Variants in NUDCD3 observed in about 807,000 individuals in gnomAD.
NUDCD3 encodes the protein nudC domain-containing protein 3.
NUDCD3 carries 13 observed loss-of-function variants against 39.7 expected under a neutral mutation model. The observed-to-expected ratio is 0.33, with a 90% CI of 0.21 to 0.52. The LOEUF is 0.52. NUDCD3 is among the 20% of genes least tolerant of loss of function. The probability of loss-of-function intolerance (pLI) is 0.96; values close to 1 mark genes in which losing one functional copy is unlikely to be tolerated. For missense variants in NUDCD3, 453 were observed against 458.1 expected (o/e 0.99, Z 0.10); for synonymous variants, 175 against 172.4 (o/e 1.02, Z -0.12).
At chr7:44,462,945 CTGTGTGTGTGTGTGTGTGTGTGTG>C (rs3138779) in intron 2 of NUDCD3, among the ~76,000 whole-genome samples, 2 of 146,792 alleles carry the variant, frequency 1.4e-5, no homozygotes, top group South Asian at 2.2e-4. Context: ...CACAACCAGG[CTGTGTGTGTGTGTGTGTGTGTGTG>C]TGTGTGTGTG....
rs949788283 is a variant in NUDCD3 at position 44,486,178 on chromosome 7, A to G, written c.193-894T>C. 5.3e-5 allele frequency among the ~76,000 whole-genome samples: 8 copies of G among 152,242 alleles called. No homozygotes were observed. The South Asian group carries it at 1.2e-3, about 24-fold the overall frequency. On this transcript the variant is annotated intron_variant, in intron 1 of 5. Transcript: ENST00000355451. Reference sequence around the variant, plus strand: ...TCAAGGAAGGGCAAAAGCTCTTGCAATAACTGGAGGAAGGAAAGGCTGAGA... The same window carrying G: ...TCAAGGAAGGGCAAAAGCTCTTGCAGTAACTGGAGGAAGGAAAGGCTGAGA...
chr7:44,475,112 C>CT (rs369792184), intron 2 of NUDCD3, among the ~76,000 whole-genome samples: 9,526 of 139,606 alleles, frequency 0.068, 407 homozygotes, highest in South Asian at 0.11. Context: ...AAATTCATTT[C>CT]TTTTTTTTTT....
At chr7:44,415,104 C>T (rs1377071642) in intron 3 of NUDCD3, among the ~76,000 whole-genome samples, 1 of 152,160 alleles carries the variant, frequency 6.6e-6, no homozygotes, top group Admixed American at 6.5e-5. Flanking sequence ...GTGGAGGTGA[C>T]GGGACCTTGG....
chr7:44,400,009 C>T (rs1014593328), intron 4 of NUDCD3, among the ~76,000 whole-genome samples: 3 of 152,274 alleles, frequency 2.0e-5, no homozygotes, highest in South Asian at 2.1e-4. Flanking sequence ...ACAGCTACAA[C>T]GACCATCTCA....
intron 2 of NUDCD3, among the ~76,000 whole-genome samples, chr7:44,435,760 G>A (rs1799452458): frequency 6.6e-6 from 1 of 152,158 alleles, no homozygotes; most frequent in South Asian, 2.1e-4. Flanking sequence ...GTGACAGAAG[G>A]ATCCAGAACA....
At chr7:44,470,774 T>C (rs966005637) in intron 2 of NUDCD3, among the ~76,000 whole-genome samples, 5 of 152,246 alleles carry the variant, frequency 3.3e-5, no homozygotes, top group Admixed American at 6.5e-5. Flanking sequence ...AGGACTCTAC[T>C]AGCAAGTTTA....
At chr7:44,448,827 A>G (rs529694484) in intron 2 of NUDCD3, among the ~76,000 whole-genome samples, 1 of 152,314 alleles carries the variant, frequency 6.6e-6, no homozygotes, top group African/African-American at 2.4e-5. Flanking sequence ...CTTCCTAAGG[A>G]TGTGCTCATT....
At chr7:44,451,470 A>G (rs1799792834) in intron 2 of NUDCD3, among the ~76,000 whole-genome samples, 1 of 152,238 alleles carries the variant, frequency 6.6e-6, no homozygotes, top group African/African-American at 2.4e-5. Context: ...ACGCTTGAAA[A>G]TGGTTACGAT....
At chr7:44,428,913 G>C (rs1799294159) in intron 2 of NUDCD3, among the ~76,000 whole-genome samples, 1 of 152,204 alleles carries the variant, frequency 6.6e-6, no homozygotes, top group Admixed American at 6.5e-5. Flanking sequence ...GAGATTAGCA[G>C]ACAAAACCTG....
chr7:44,467,927 A>C (rs1800154867), intron 2 of NUDCD3: 1 of 1,608,092 alleles, frequency 6.2e-7, no homozygotes. Flanking sequence ...TGTGAAGCCC[A>C]AGATCGTCAA....
chr7:44,392,604 A>G (rs1798542368), intron 4 of NUDCD3, 119 bp from the exon 5 acceptor site: 1 of 825,826 alleles, frequency 1.2e-6, no homozygotes, highest in African/African-American at 1.7e-5. Context: ...CCAACTACAC[A>G]AAGGGAGGTG....
chr7:44,440,844 T>C (rs1799568215), intron 2 of NUDCD3, among the ~76,000 whole-genome samples: 1 of 152,212 alleles, frequency 6.6e-6, no homozygotes, highest in Admixed American at 6.5e-5. Flanking sequence ...CCTAGTCTTC[T>C]TGCATGTGAG....
chr7:44,462,944 G>A (rs1433546759), intron 2 of NUDCD3, among the ~76,000 whole-genome samples: 1 of 111,502 alleles, frequency 9.0e-6, no homozygotes, highest in Non-Finnish European at 1.8e-5. Context: ...ACACAACCAG[G>A]CTGTGTGTGT....
chr7:44,405,018 C>A (rs927455058), intron 3 of NUDCD3, among the ~76,000 whole-genome samples: 1 of 152,168 alleles, frequency 6.6e-6, no homozygotes, highest in African/African-American at 2.4e-5. Flanking sequence ...GGCTGCACAC[C>A]CTGAATTGCT....
At chr7:44,400,159 C>T (rs1161019344) in intron 4 of NUDCD3, among the ~76,000 whole-genome samples, 1 of 152,148 alleles carries the variant, frequency 6.6e-6, no homozygotes, top group Non-Finnish European at 1.5e-5. Context: ...ACTGAACGAG[C>T]TATCGGAAAA....
chr7:44,457,059 CAAT>C (rs993392177), intron 2 of NUDCD3, among the ~76,000 whole-genome samples: 38 of 152,100 alleles, frequency 2.5e-4, no homozygotes, highest in African/African-American at 8.7e-4. Context: ...TCACATGTCC[CAAT>C]AATCTCTCAA....
intron 2 of NUDCD3, chr7:44,468,138 A>T: frequency 6.2e-7 from 1 of 1,606,930 alleles, no homozygotes; most frequent in Non-Finnish European, 8.5e-7. Flanking sequence ...CTGGTCCACA[A>T]CATCAAGGAG....
At position 44,384,653 on chromosome 7, in the gene NUDCD3, C is replaced by T. The variant is rs1798369707; in HGVS notation, c.*1358G>A. 6.6e-6 allele frequency: 1 copy of T among 152,308 alleles called. No homozygotes were observed. Among genetic ancestry groups the T allele is most frequent in the African/African-American group, 2.4e-5 (1 of 41,452 alleles). 9.4% of individuals were successfully genotyped at this position (152,308 alleles called of 1,614,324 possible). On this transcript the variant is annotated 3_prime_UTR_variant, in exon 6 of 6. Coordinates refer to ENST00000355451, the MANE Select transcript of NUDCD3 (RefSeq NM_015332.4). ...GCGGGGACCTTCCCCTGACAATAGG[C>T]CCTCTTAGCATCTGCGGGCCTTGAT...
chr7:44,458,918 A>G (rs1370747620), intron 2 of NUDCD3, among the ~76,000 whole-genome samples: 1 of 139,746 alleles, frequency 7.2e-6, no homozygotes, highest in Non-Finnish European at 1.5e-5. Flanking sequence ...CACTGGCTGC[A>G]GGATTAGACG....
Sources: gnomAD v4.1 joint callset for allele counts (sites outside exome capture counted in the v4.1 genomes callset) on GRCh38, gnomAD v4.1.1 for gene constraint, MANE v1.5 for transcripts, NCBI Gene and HGNC (gene_info 2026-07-23, HGNC 2026-07-21) for gene names.